HIRA: variants seen among roughly 807,000 people sequenced by gnomAD.
HIRA encodes protein HIRA.
Under a neutral mutation model 126.6 loss-of-function variants are expected in HIRA, and 13 were observed. The ratio of observed to expected loss-of-function variants is 0.10; its 90% CI spans 0.07 to 0.16. The LOEUF is 0.16. Ranked by LOEUF, HIRA falls within the 10% of genes least tolerant of loss-of-function variation. The pLI is 1.00. For missense variants in HIRA, 834 were observed against 1,314.4 expected (o/e 0.63, Z 5.65); for synonymous variants, 511 against 520.0 (o/e 0.98, Z 0.24).
At chr22:19,414,346 T>C (rs578085061) in intron 1 of HIRA, among the ~76,000 whole-genome samples, 1 of 152,184 alleles carries the variant, frequency 6.6e-6, no homozygotes, top group South Asian at 2.1e-4. Flanking sequence ...AGGGGAAAGA[T>C]TCCTAGAAGA....
Position 19,377,897 on chromosome 22 carries a change from G to A in HIRA, c.1585C>T (p.Pro529Ser), listed in dbSNP as rs770395156. Reference protein sequence around the residue: ...TEPVVAASARPAGDSVNKDSM... With the variant: ...TEPVVAASARSAGDSVNKDSM... The stretch of plus-strand genomic sequence containing the variant: ...TCTTTATTGACAGAATCGCCTGCAG[G>A]TCTGGCACTGGCAGCCACCACAGGC... Residue 529 changes from proline to serine, a missense_variant, in exon 14 of 25, where the codon CCT (proline) becomes TCT (serine). This residue lies in a region of HIRA where 468 missense variants were observed against 574.2 expected (regional missense o/e 0.82). Transcript: ENST00000263208. The A allele has an allele frequency of 6.2e-7, 1 of 1,612,764 alleles. No individual in the cohort carries two copies. Among genetic ancestry groups the A allele is most frequent in the Admixed American group, 1.7e-5 (1 of 59,836 alleles).
intron 15 of HIRA, among the ~76,000 whole-genome samples, chr22:19,366,739 A>G (rs1005207033): frequency 1.3e-5 from 2 of 152,192 alleles, no homozygotes; most frequent in African/African-American, 2.4e-5. Flanking sequence ...GATGCTGTGC[A>G]TATTGTTGAA....
At position 19,402,014 on chromosome 22, in the gene HIRA, T is replaced by C. The variant is rs536962202; in HGVS notation, c.397+3772A>G. ...GGGTTCACTGGGCACAGTAAGCACA[T>C]GTCCATGCTCCAAGGCCTTCGCACT... On this transcript the variant is annotated intron_variant, in intron 5 of 24. Coordinates refer to ENST00000263208, the MANE Select transcript of HIRA (RefSeq NM_003325.4). 3.1e-4 allele frequency among the ~76,000 whole-genome samples: 47 copies of C among 152,268 alleles called. 1 individual carries two copies. The highest frequency in any genetic ancestry group is 1.1e-3 in the African/African-American group (45 of 41,550).
Position 19,331,474 on chromosome 22 carries a change from C to T in HIRA, c.3020G>A (p.Cys1007Tyr). 6.2e-7 allele frequency: 1 copy of T among 1,614,146 alleles called. No individual in the cohort carries two copies. The highest frequency in any genetic ancestry group is 1.7e-4 in the Middle Eastern group (1 of 6,060). The part of the protein sequence containing the change: ...NLRFQRLFTE[C>Y]QEQLDILRDK ...CCTCAGGATGTCGAGCTGTTCCTGA[C>T]ACTCGGTGAAGAGGCGCTGGAATCG... is the stretch of plus-strand genomic sequence containing the variant. The change falls in exon 25 of 25, where the codon TGT (cysteine) becomes TAT (tyrosine). Residue 1007 changes from cysteine (C) to tyrosine (Y), a missense_variant. This residue lies in a region of HIRA where 58 missense variants were observed against 114.5 expected (regional missense o/e 0.51). Transcript: ENST00000263208.
At chr22:19,352,785 G>A (rs1946894374) in intron 23 of HIRA, among the ~76,000 whole-genome samples, 1 of 152,244 alleles carries the variant, frequency 6.6e-6, no homozygotes, top group Non-Finnish European at 1.5e-5. Flanking sequence ...GCCGCACCCT[G>A]AAGGCTGCAC....
intron 2 of HIRA, among the ~76,000 whole-genome samples, chr22:19,410,116 A>C (rs537031749): frequency 1.3e-5 from 2 of 152,330 alleles, no homozygotes; most frequent in Admixed American, 1.3e-4. Context: ...CACTATATAT[A>C]CATCTTGGTA....
At chr22:19,390,664 C>T (rs959736417) in intron 9 of HIRA, among the ~76,000 whole-genome samples, 9 of 143,800 alleles carry the variant, frequency 6.3e-5, no homozygotes, top group Non-Finnish European at 1.2e-4. Flanking sequence ...GGGGATCCAG[C>T]GAGTGAGGAG....
rs759363968 is a variant in HIRA at position 19,421,672 on chromosome 22, T to TTG, written c.37+9766_37+9767dup. On this transcript the variant is annotated intron_variant, in intron 1 of 24. Transcript: ENST00000263208. The stretch of plus-strand genomic sequence containing the variant: ...ATCCTTCTGTTCTCTCTTAACTCTT[T>TTG]TGTGTGTGTGTGTGTATGAGATGGA... Among the ~76,000 whole-genome samples, 536 of 151,660 alleles carry TTG rather than the reference T, an allele frequency of 3.5e-3. 2 individuals are homozygous for TTG. The highest frequency in any genetic ancestry group is 0.012 in the African/African-American group (506 of 41,406).
chr22:19,388,547 C>T lies in HIRA; in HGVS notation c.944G>A (p.Cys315Tyr), dbSNP rs1038159442. Residue 315 changes from cysteine to tyrosine, a missense_variant, in exon 10 of 25, where the codon TGT becomes TAT. Coordinates refer to ENST00000263208, the MANE Select transcript of HIRA (RefSeq NM_003325.4). ...KDRSLSVWLT[C>Y]LKRPLVVIHE... ...GATGACCACCAGCGGCCGTTTCAGACATGTGAGCTGGAAGGAAAGACACAG... is the reference window on the plus strand; with the variant it reads ...GATGACCACCAGCGGCCGTTTCAGATATGTGAGCTGGAAGGAAAGACACAG... 12 of 1,612,722 alleles carry T rather than the reference C, an allele frequency of 7.4e-6. No individual in the cohort carries two copies. The highest frequency in any genetic ancestry group is 2.2e-5 in the South Asian group (2 of 91,036).
At chr22:19,337,225 GA>G (rs1190371855) in intron 24 of HIRA, among the ~76,000 whole-genome samples, 1 of 151,392 alleles carries the variant, frequency 6.6e-6, no homozygotes, top group African/African-American at 2.4e-5. Flanking sequence ...TACCAAAGGT[GA>G]AAATCAACTT....
At chr22:19,398,319 C>T (rs965137900) in intron 5 of HIRA, among the ~76,000 whole-genome samples, 2 of 152,252 alleles carry the variant, frequency 1.3e-5, no homozygotes, top group Non-Finnish European at 2.9e-5. Context: ...TGGTTCAGAG[C>T]TTGGGCACCA....
At chr22:19,379,507 C>T (rs2089051801) in intron 13 of HIRA, among the ~76,000 whole-genome samples, 1 of 150,750 alleles carries the variant, frequency 6.6e-6, no homozygotes, top group South Asian at 2.1e-4. Flanking sequence ...CGCCTGTAAT[C>T]CCAGCTACTT....
chr22:19,367,555 C>T (rs562717429), intron 15 of HIRA, among the ~76,000 whole-genome samples: 2 of 152,096 alleles, frequency 1.3e-5, no homozygotes, highest in East Asian at 1.9e-4. Flanking sequence ...TTACTAGAGA[C>T]GAAGTTTTGC....
rs753597453 is a variant in HIRA, at chr22:19,361,434, C to T, written c.1981-93G>A. The T allele has an allele frequency of 9.3e-4, 987 of 1,066,994 alleles. 1 individual carries two copies. Among genetic ancestry groups the T allele is most frequent in the Non-Finnish European group, 1.3e-3 (903 of 698,140 alleles). The allele number at this position is 1,066,994 out of a possible 1,614,324, so 66.1% of individuals were successfully genotyped here. ...TCACCCAGAAGTGAGGCTGAGCCTG[C>T]GACCAGAGCATTTCCACCCTGGGAG... is the stretch of plus-strand genomic sequence containing the variant. On this transcript the variant is annotated intron_variant, in intron 16 of 24. Transcript: ENST00000263208.
Position 19,361,383 on chromosome 22 carries a change from A to G in HIRA, c.1981-42T>C, listed in dbSNP as rs117390217. 14,153 of 1,545,976 alleles carry G rather than the reference A, an allele frequency of 9.2e-3. 285 individuals carry two copies. Among genetic ancestry groups the G allele is most frequent in the East Asian group, 0.076 (3,401 of 44,526 alleles). On this transcript the variant is annotated intron_variant, in intron 16 of 24. Transcript: ENST00000263208. ...CGTTCCTGAGCCTTGCTCTAACACT[A>G]CGGGGTAGCATTTGGTAAAGGCAGG...
chr22:19,358,250 G>T (rs2088832218), intron 18 of HIRA, among the ~76,000 whole-genome samples: 1 of 152,210 alleles, frequency 6.6e-6, no homozygotes, highest in Non-Finnish European at 1.5e-5. Context: ...CATCTCTGGT[G>T]GTCAGAGCCT....
chr22:19,349,259 C>T (rs1479602502), intron 24 of HIRA, among the ~76,000 whole-genome samples: 1 of 151,972 alleles, frequency 6.6e-6, no homozygotes, highest in Non-Finnish European at 1.5e-5. Context: ...AGTGTGCCAC[C>T]ACACCCAGCT....
At chr22:19,369,661 C>T (rs756714304) in intron 15 of HIRA, among the ~76,000 whole-genome samples, 11 of 152,082 alleles carry the variant, frequency 7.2e-5, no homozygotes, top group African/African-American at 2.2e-4. Context: ...AGGCCAGGTG[C>T]GGTGGCTCAC....
At chr22:19,383,799 G>T in intron 12 of HIRA, 94 bp from the exon 13 acceptor site, 2 of 916,906 alleles carry the variant, frequency 2.2e-6, no homozygotes, top group South Asian at 1.5e-5. Flanking sequence ...CTGGTGATAA[G>T]AACACTAAGC....
Sources: gnomAD v4.1 joint callset for allele counts (sites outside exome capture counted in the v4.1 genomes callset) on GRCh38, gnomAD v4.1.1 for gene constraint, gnomAD v4.1.1 regional missense constraint, MANE v1.5 for transcripts, NCBI Gene and HGNC (gene_info 2026-07-23, HGNC 2026-07-21) for gene names.